The following ADGRL2 variants were observed in gnomAD, a reference collection of about 807,000 sequenced individuals.
ADGRL2 encodes the protein calcium-independent alpha-latrotoxin receptor 2.
ADGRL2 carries 44 observed loss-of-function variants against 157.4 expected under a neutral mutation model. The ratio of observed to expected loss-of-function variants is 0.28; its 90% CI spans 0.22 to 0.36. The LOEUF is 0.36. ADGRL2 is among the 10% of genes least tolerant of loss of function. ADGRL2 has a pLI of 1.00. For missense variants in ADGRL2, 1,510 were observed against 1,768.9 expected, an observed-to-expected ratio of 0.85 and a Z score of 2.63; for synonymous variants, 585 against 624.7, an observed-to-expected ratio of 0.94 and a Z score of 0.95.
intron 2 of ADGRL2, among the ~76,000 whole-genome samples, chr1:81,880,022 G>C (rs1363586254): frequency 1.3e-5 from 2 of 152,134 alleles, no homozygotes; most frequent in Non-Finnish European, 2.9e-5. Flanking sequence ...GTGAGACATT[G>C]TATCTAAATA....
intron 1 of ADGRL2, among the ~76,000 whole-genome samples, chr1:81,374,260 A>G (rs1161844955): frequency 6.6e-6 from 1 of 152,176 alleles, no homozygotes; most frequent in African/African-American, 2.4e-5. Context: ...TGGAGTAAAA[A>G]TATTAAATCC....
intron 1 of ADGRL2, among the ~76,000 whole-genome samples, chr1:81,821,988 T>A (rs2149871615): frequency 6.6e-6 from 1 of 151,644 alleles, no homozygotes; most frequent in African/African-American, 2.4e-5. Flanking sequence ...TAAAAAGAAA[T>A]AACCTGCAAT....
intron 3 of ADGRL2, among the ~76,000 whole-genome samples, chr1:81,600,912 A>C (rs1288200674): frequency 6.6e-6 from 1 of 152,172 alleles, no homozygotes; most frequent in Non-Finnish European, 1.5e-5. Flanking sequence ...TGGATCTATC[A>C]TCTAAAGTCT....
chr1:81,839,400 C>T (rs1479769958), intron 2 of ADGRL2, among the ~76,000 whole-genome samples: 3 of 151,808 alleles, frequency 2.0e-5, no homozygotes, highest in South Asian at 2.1e-4. Flanking sequence ...TTTATTTTCC[C>T]GTAAGTTATT....
intron 2 of ADGRL2, chr1:81,514,552 A>AT (rs907892222): frequency 9.2e-5 from 14 of 152,110 alleles, no homozygotes; most frequent in Non-Finnish European, 1.8e-4. Context: ...CCCACAACAC[A>AT]TTTTTTGCGC....
intron 1 of ADGRL2, among the ~76,000 whole-genome samples, chr1:81,827,995 T>G (rs966392319): frequency 2.0e-5 from 3 of 152,250 alleles, no homozygotes; most frequent in African/African-American, 7.2e-5. Flanking sequence ...ATTTGATTAT[T>G]TTGGCAGACA....
chr1:81,503,508 G>T (rs1201039615), intron 2 of ADGRL2: 8 of 1,595,158 alleles, frequency 5.0e-6, no homozygotes, highest in South Asian at 1.1e-5. Flanking sequence ...CTCTCCAGTC[G>T]AGAGTGAAGG....
At chr1:81,329,286 C>T (rs1661116513) in intron 1 of ADGRL2, among the ~76,000 whole-genome samples, 1 of 152,108 alleles carries the variant, frequency 6.6e-6, no homozygotes, top group African/African-American at 2.4e-5. Flanking sequence ...ACACCCCACC[C>T]CCAACCCCAC....
chr1:81,407,097 T>C (rs2076866955), intron 1 of ADGRL2, among the ~76,000 whole-genome samples: 1 of 152,222 alleles, frequency 6.6e-6, no homozygotes, highest in South Asian at 2.1e-4. Flanking sequence ...GAAATCTTCA[T>C]GGAAGAGAAG....
chr1:81,747,704 T>A (rs767318820), intron 1 of ADGRL2, among the ~76,000 whole-genome samples: 8,598 of 56,110 alleles, frequency 0.15, 318 homozygotes, highest in Middle Eastern at 0.27. Context: ...TTAATGTTTG[T>A]GTGTGTGTGT....
intron 1 of ADGRL2, among the ~76,000 whole-genome samples, chr1:81,753,878 C>T (rs1403430592): frequency 2.0e-5 from 3 of 152,074 alleles, no homozygotes; most frequent in South Asian, 2.1e-4. Flanking sequence ...ATGTCTTTCC[C>T]TAAAGGCAAA....
At chr1:81,665,416 T>C (rs2082732893) in intron 3 of ADGRL2, among the ~76,000 whole-genome samples, 1 of 152,170 alleles carries the variant, frequency 6.6e-6, no homozygotes, top group Non-Finnish European at 1.5e-5. Context: ...CTGAGATACA[T>C]TTCATTTCTT....
intron 2 of ADGRL2, among the ~76,000 whole-genome samples, chr1:81,906,655 C>G (rs1179565186): frequency 1.3e-5 from 2 of 152,152 alleles, no homozygotes; most frequent in Middle Eastern, 3.4e-3. Flanking sequence ...TTCCATTGCA[C>G]AAATGAAAAT....
chr1:81,424,943 G>T (rs1165667072), intron 1 of ADGRL2, among the ~76,000 whole-genome samples: 1 of 152,186 alleles, frequency 6.6e-6, no homozygotes, highest in African/African-American at 2.4e-5. Context: ...CTATGGAGCA[G>T]TCCTCTTCTC....
At chr1:81,335,033 T>C (rs936665935) in intron 1 of ADGRL2, among the ~76,000 whole-genome samples, 3 of 152,194 alleles carry the variant, frequency 2.0e-5, no homozygotes, top group Non-Finnish European at 4.4e-5. Context: ...TACCTGAAAC[T>C]AACCATCACA....
chr1:81,352,787 G>T (rs1662999368), intron 1 of ADGRL2, among the ~76,000 whole-genome samples: 1 of 152,118 alleles, frequency 6.6e-6, no homozygotes, highest in Admixed American at 6.6e-5. Context: ...CAATCAGGTA[G>T]AGTTAAAGCA....
At chr1:81,385,645 C>T (rs2076422390) in intron 1 of ADGRL2, among the ~76,000 whole-genome samples, 1 of 150,982 alleles carries the variant, frequency 6.6e-6, no homozygotes, top group Non-Finnish European at 1.5e-5. Flanking sequence ...GAATCCCTGC[C>T]CTGGAATAAA....
chr1:81,570,575 G>C (rs1301677506), intron 2 of ADGRL2, among the ~76,000 whole-genome samples: 1 of 152,094 alleles, frequency 6.6e-6, no homozygotes, highest in East Asian at 1.9e-4. Flanking sequence ...TTTTAGTAGA[G>C]ACGGGGTTTC....
intron 3 of ADGRL2, chr1:81,596,118 A>C: frequency 2.5e-6 from 1 of 392,998 alleles, no homozygotes; most frequent in Non-Finnish European, 4.9e-6. Flanking sequence ...TTTTTTTTTA[A>C]CAACTGGTAA....
Sources: gnomAD v4.1 joint callset for allele counts (sites outside exome capture counted in the v4.1 genomes callset) on GRCh38, gnomAD v4.1.1 for gene constraint, MANE v1.5 for transcripts, NCBI Gene and HGNC (gene_info 2026-07-23, HGNC 2026-07-21) for gene names.